Variants in HHAT observed in about 807,000 individuals in gnomAD.
The protein encoded by HHAT is hedgehog acyltransferase.
HHAT carries 47 observed loss-of-function variants against 70.8 expected under a neutral mutation model. The observed-to-expected ratio is 0.66, with a 90% confidence interval of 0.53 to 0.85. The LOEUF (loss-of-function observed/expected upper bound fraction) is 0.85. HHAT is among the 40% of genes least tolerant of loss of function. HHAT has a pLI of 0.00. For synonymous variants in HHAT, 228 were observed against 247.6 expected (o/e 0.92, Z 0.74); for missense variants, 609 against 604.8 (o/e 1.01, Z -0.07).
chr1:210,599,641 T>C (rs1266162542), intron 10 of HHAT, among the ~76,000 whole-genome samples: 1 of 152,192 alleles, frequency 6.6e-6, no homozygotes, highest in Non-Finnish European at 1.5e-5. Flanking sequence ...TGTTTGTTTC[T>C]ATTTCTACTG....
intron 1 of HHAT, among the ~76,000 whole-genome samples, chr1:210,336,942 A>C (rs116761916): frequency 0.013 from 1,968 of 152,354 alleles, 52 homozygotes; most frequent in African/African-American, 0.045. Context: ...CTTGCTGATT[A>C]AAAAGGCTTA....
intron 11 of HHAT, among the ~76,000 whole-genome samples, chr1:210,658,323 C>T (rs925664663): frequency 6.6e-6 from 1 of 151,974 alleles, no homozygotes; most frequent in Non-Finnish European, 1.5e-5. Context: ...GTGCTCAGAC[C>T]TCTTGACATC....
At chr1:210,663,757 C>T (rs1678299469) in intron 11 of HHAT, among the ~76,000 whole-genome samples, 2 of 152,232 alleles carry the variant, frequency 1.3e-5, no homozygotes, top group Admixed American at 1.3e-4. Context: ...TGCAGATTCT[C>T]AGGCCTACCC....
chr1:210,478,804 TC>T (rs1558598858), intron 8 of HHAT, among the ~76,000 whole-genome samples: 2 of 152,204 alleles, frequency 1.3e-5, no homozygotes, highest in Non-Finnish European at 2.9e-5. Context: ...GTGCCATTTA[TC>T]CAGTCTTAGA....
intron 11 of HHAT, among the ~76,000 whole-genome samples, chr1:210,655,333 TCTC>T (rs1460994314): frequency 6.6e-6 from 1 of 152,150 alleles, no homozygotes; most frequent in African/African-American, 2.4e-5. Flanking sequence ...TTGACTGGCT[TCTC>T]CTCTGATCCA....
chr1:210,545,764 C>T (rs2095477995), intron 9 of HHAT, among the ~76,000 whole-genome samples: 1 of 152,112 alleles, frequency 6.6e-6, no homozygotes, highest in African/African-American at 2.4e-5. Context: ...CGGAGACCTT[C>T]TCTCATCTCT....
intron 9 of HHAT, among the ~76,000 whole-genome samples, chr1:210,573,058 A>G (rs1656731437): frequency 6.6e-6 from 1 of 152,256 alleles, no homozygotes; most frequent in African/African-American, 2.4e-5. Context: ...TAGGGAAGAC[A>G]GATCCCCTCT....
chr1:210,615,816 A>C, intron 10 of HHAT, among the ~76,000 whole-genome samples: 1 of 152,158 alleles, frequency 6.6e-6, no homozygotes, highest in East Asian at 1.9e-4. Context: ...TCAGAGGGGT[A>C]CCTGGCCGTG....
At chr1:210,642,117 G>A (rs1439800016) in intron 11 of HHAT, among the ~76,000 whole-genome samples, 3 of 152,054 alleles carry the variant, frequency 2.0e-5, no homozygotes, top group South Asian at 2.1e-4. Context: ...TGCATATTGC[G>A]TTACTTTTGA....
intron 7 of HHAT, among the ~76,000 whole-genome samples, chr1:210,460,767 GA>G (rs1035330311): frequency 6.6e-6 from 1 of 152,146 alleles, no homozygotes; most frequent in African/African-American, 2.4e-5. Context: ...AAAGGCAGAA[GA>G]AAATACTGTG....
chr1:210,445,577 C>A (rs1160709262), intron 7 of HHAT, among the ~76,000 whole-genome samples: 2 of 152,124 alleles, frequency 1.3e-5, no homozygotes, highest in Admixed American at 1.3e-4. Context: ...TTACATAACC[C>A]TTTTAAAATT....
At chr1:210,639,988 G>GT (rs1414141937) in intron 11 of HHAT, among the ~76,000 whole-genome samples, 2 of 152,182 alleles carry the variant, frequency 1.3e-5, no homozygotes, top group Non-Finnish European at 2.9e-5. Context: ...AATGTTCCTT[G>GT]TACTACCCTG....
At chr1:210,411,896 T>G (rs1229391191) in intron 6 of HHAT, among the ~76,000 whole-genome samples, 1 of 152,228 alleles carries the variant, frequency 6.6e-6, no homozygotes, top group Non-Finnish European at 1.5e-5. Context: ...ATGGATAGTA[T>G]GTATCTTAGT....
intron 7 of HHAT, among the ~76,000 whole-genome samples, chr1:210,449,547 A>C (rs536686652): frequency 6.6e-6 from 1 of 152,072 alleles, no homozygotes; most frequent in Non-Finnish European, 1.5e-5. Context: ...AATTCCTCCA[A>C]AACATCTCAC....
intron 4 of HHAT, among the ~76,000 whole-genome samples, chr1:210,388,552 ATT>A (rs376948754): frequency 6.7e-6 from 1 of 149,638 alleles, no homozygotes. Flanking sequence ...TATGATACTG[ATT>A]TTTTTTTTGT....
chr1:210,386,956 T>C (rs748218081), intron 3 of HHAT, among the ~76,000 whole-genome samples: 17 of 152,222 alleles, frequency 1.1e-4, no homozygotes, highest in Non-Finnish European at 2.2e-4. Context: ...TGTCTGTAAA[T>C]GGCAACAAGA....
At chr1:210,459,667 C>T (rs2093940347) in intron 7 of HHAT, among the ~76,000 whole-genome samples, 1 of 152,200 alleles carries the variant, frequency 6.6e-6, no homozygotes, top group African/African-American at 2.4e-5. Flanking sequence ...AAGACCACCC[C>T]AACTCTCCTT....
chr1:210,411,792 A>G (rs1452541423), intron 6 of HHAT, among the ~76,000 whole-genome samples: 2 of 151,904 alleles, frequency 1.3e-5, no homozygotes, highest in African/African-American at 4.8e-5. Flanking sequence ...CCATTGGTCT[A>G]GAGTGATTTT....
At chr1:210,336,565 C>T (rs1048023238) in intron 1 of HHAT, among the ~76,000 whole-genome samples, 7 of 152,022 alleles carry the variant, frequency 4.6e-5, no homozygotes, top group African/African-American at 1.7e-4. Flanking sequence ...GGGAGGATCA[C>T]TTGAGGCCAG....
Sources: allele counts gnomAD v4.1 joint callset (sites outside exome capture counted in the v4.1 genomes callset), GRCh38; gene constraint gnomAD v4.1.1; transcripts MANE v1.5; gene names NCBI Gene and HGNC (gene_info 2026-07-23, HGNC 2026-07-21).